The following L3MBTL3 variants were observed in gnomAD, a reference collection of about 807,000 sequenced individuals.
L3MBTL3 encodes lethal(3)malignant brain tumor-like protein 3.
A neutral mutation model predicts 102.3 loss-of-function variants in L3MBTL3; 27 were observed. That is an observed-to-expected ratio of 0.26 (90% confidence interval 0.19 to 0.36). L3MBTL3 has a LOEUF of 0.36. Ranked by LOEUF, L3MBTL3 falls within the 10% of genes least tolerant of loss-of-function variation. The pLI is 1.00. For missense variants in L3MBTL3, 798 were observed against 955.3 expected (o/e 0.84, Z 2.17); for synonymous variants, 340 against 320.9 (o/e 1.06, Z -0.64).
chr6:130,064,877 G>C (rs553857108), intron 10 of L3MBTL3, among the ~76,000 whole-genome samples: 1 of 152,310 alleles, frequency 6.6e-6, no homozygotes, highest in East Asian at 1.9e-4. Flanking sequence ...AGCTCAGAAC[G>C]GTGTGCCCAC....
intron 12 of L3MBTL3, among the ~76,000 whole-genome samples, chr6:130,069,960 T>C (rs1043699350): frequency 2.6e-5 from 4 of 152,256 alleles, no homozygotes; most frequent in Non-Finnish European, 5.9e-5. Flanking sequence ...ACACAACTTA[T>C]TCTAACATTT....
At chr6:130,120,463 A>G (rs1017794357) in intron 19 of L3MBTL3, among the ~76,000 whole-genome samples, 2 of 152,184 alleles carry the variant, frequency 1.3e-5, no homozygotes, top group Non-Finnish European at 2.9e-5. Flanking sequence ...CTTAGCCTCC[A>G]TCCAAATCCC....
At chr6:130,066,934 G>C (rs555831619) in intron 11 of L3MBTL3, among the ~76,000 whole-genome samples, 14 of 152,186 alleles carry the variant, frequency 9.2e-5, no homozygotes, top group African/African-American at 3.4e-4. Flanking sequence ...TAATATTTAG[G>C]AGATTGGCAA....
intron 8 of L3MBTL3, 89 bp downstream of exon 8, chr6:130,055,344 G>A: frequency 1.1e-6 from 1 of 892,428 alleles, no homozygotes; most frequent in South Asian, 1.6e-5. Flanking sequence ...GCCACTTAAA[G>A]TATTACTTCA....
intron 20 of L3MBTL3, among the ~76,000 whole-genome samples, chr6:130,124,311 C>T (rs552579021): frequency 1.0e-3 from 158 of 152,204 alleles, no homozygotes; most frequent in Non-Finnish European, 1.8e-3. Context: ...TTCTGAAGGG[C>T]GCAAAGAATG....
At chr6:130,120,734 C>A in intron 19 of L3MBTL3, 145 bp from the exon 20 acceptor site, 1 of 586,448 alleles carries the variant, frequency 1.7e-6, no homozygotes, top group Non-Finnish European at 3.0e-6. Context: ...AATTAATTGC[C>A]TTGTAGGAGA....
chr6:130,021,386 C>G (rs1366639881), intron 1 of L3MBTL3, among the ~76,000 whole-genome samples: 1 of 152,160 alleles, frequency 6.6e-6, no homozygotes, highest in East Asian at 1.9e-4. Flanking sequence ...TTTAGTAAAT[C>G]GAAGCAATGA....
At chr6:130,137,372 A>G (rs915302611) in intron 22 of L3MBTL3, among the ~76,000 whole-genome samples, 2 of 152,232 alleles carry the variant, frequency 1.3e-5, no homozygotes. Context: ...GCCTTGTAAT[A>G]CATTGCAGTG....
intron 22 of L3MBTL3, among the ~76,000 whole-genome samples, 177 bp from the exon 23 acceptor site, chr6:130,139,433 A>T (rs1381567435): frequency 6.6e-6 from 1 of 152,130 alleles, no homozygotes; most frequent in Non-Finnish European, 1.5e-5. Flanking sequence ...CCACTTTGGG[A>T]TGTGTCATTG....
At position 130,055,789 on chromosome 6, in the gene L3MBTL3, A is replaced by G. The variant is rs78573376; in HGVS notation, c.667+534A>G. ...AAACCTCTGTTCTTGTTCATTTCCC[A>G]CAGTTTTAGGTTTTTAATGTTCCCT... On this transcript the variant is annotated intron_variant, in intron 8 of 22. Transcript: ENST00000361794. Among the ~76,000 whole-genome samples, 1,493 of 149,460 alleles carry G rather than the reference A, an allele frequency of 1.0e-2. 26 individuals are homozygous for G. The highest frequency in any genetic ancestry group is 0.035 in the African/African-American group (1,426 of 40,392).
chr6:130,084,829 A>C (rs1392812681), intron 15 of L3MBTL3, among the ~76,000 whole-genome samples: 1 of 152,092 alleles, frequency 6.6e-6, no homozygotes, highest in Non-Finnish European at 1.5e-5. Context: ...TTTTCATGGC[A>C]ACCCTTTTTT....
intron 2 of L3MBTL3, among the ~76,000 whole-genome samples, chr6:130,023,353 A>G (rs1265445325): frequency 3.3e-5 from 5 of 152,194 alleles, no homozygotes; most frequent in African/African-American, 1.2e-4. Flanking sequence ...GTCCATGTGG[A>G]TATGCAGCAG....
chr6:130,039,430 C>T (rs1020241822), intron 2 of L3MBTL3, among the ~76,000 whole-genome samples: 3 of 152,006 alleles, frequency 2.0e-5, no homozygotes, highest in African/African-American at 7.2e-5. Flanking sequence ...CTATGAATTA[C>T]AATATTGTGA....
intron 18 of L3MBTL3, among the ~76,000 whole-genome samples, chr6:130,098,903 CAG>C (rs1217350019): frequency 7.1e-6 from 1 of 140,426 alleles, no homozygotes; most frequent in Non-Finnish European, 1.5e-5. Context: ...TTTGTCAGGA[CAG>C]AGTGCGAAAA....
Position 130,086,250 on chromosome 6 carries a change from A to G in L3MBTL3, c.1518A>G (p.Lys506=), listed in dbSNP as rs775232070. 1 of 1,593,724 alleles carries G rather than the reference A, an allele frequency of 6.3e-7. No homozygotes were observed. The highest frequency in any genetic ancestry group is 1.1e-5 in the South Asian group (1 of 89,578). Residue 506 remains lysine, a splice_region_variant and synonymous_variant, in exon 16 of 23, where the codon AAA becomes AAG. Transcript: ENST00000361794. ...TVADTDDHRV[K]VHFDGWNNCY... The stretch of plus-strand genomic sequence containing the variant: ...CAGACACAGATGATCACCGGGTAAA[A>G]GTAAGTGTTCTGTGTGGGGGGTTGG...
At position 130,091,679 on chromosome 6, in the gene L3MBTL3, A is replaced by C. The variant is rs560054069; in HGVS notation, c.1519-1066A>C. On this transcript the variant is annotated intron_variant, in intron 16 of 22. Transcript: ENST00000361794. ...CAACGGGATATTATTCAGCCATAAA[A>C]AAAGAATTAAATACTGTCATTTGCA... Among the ~76,000 whole-genome samples the C allele has an allele frequency of 3.9e-5, 6 of 152,272 alleles. No homozygotes were observed. In the East Asian group the frequency reaches 1.2e-3, roughly 29 times the overall value.
intron 11 of L3MBTL3, among the ~76,000 whole-genome samples, chr6:130,067,169 A>G (rs1193845677): frequency 1.3e-5 from 2 of 152,026 alleles, no homozygotes. Flanking sequence ...GTTGCAGTGC[A>G]GTGGTGTGAT....
intron 2 of L3MBTL3, among the ~76,000 whole-genome samples, chr6:130,024,176 A>G (rs779592830): frequency 3.3e-5 from 5 of 152,118 alleles, no homozygotes; most frequent in Non-Finnish European, 5.9e-5. Context: ...TAATGATTTA[A>G]ACTAACTATA....
At chr6:130,105,012 A>C (rs1784905119) in intron 19 of L3MBTL3, among the ~76,000 whole-genome samples, 1 of 152,162 alleles carries the variant, frequency 6.6e-6, no homozygotes, top group Admixed American at 6.5e-5. Context: ...ATTTCATTTA[A>C]TTATTAATAT....
Sources: allele counts gnomAD v4.1 joint callset (sites outside exome capture counted in the v4.1 genomes callset), GRCh38; gene constraint gnomAD v4.1.1; transcripts MANE v1.5; gene names NCBI Gene and HGNC (gene_info 2026-07-23, HGNC 2026-07-21).